The following RBFOX1 variants were observed in gnomAD, a reference collection of about 807,000 sequenced individuals.
RBFOX1 encodes RNA binding fox-1 homolog 1.
A neutral mutation model predicts 57.7 loss-of-function variants in RBFOX1; 8 were observed. That is an observed-to-expected ratio of 0.14 (90% CI 0.08 to 0.25). The LOEUF (loss-of-function observed/expected upper bound fraction) is 0.25. Among genes scored for constraint, RBFOX1 ranks in the 10% least tolerant of loss-of-function variants. RBFOX1 has a pLI of 1.00. For synonymous variants in RBFOX1, 326 were observed against 222.4 expected, an observed-to-expected ratio of 1.47 and a Z score of -4.15; for missense variants, 611 against 548.5, an observed-to-expected ratio of 1.11 and a Z score of -1.14.
intron 2 of RBFOX1, chr16:6,483,329 C>T (rs1447367427): frequency 1.4e-6 from 2 of 1,468,204 alleles, no homozygotes; most frequent in Non-Finnish European, 1.8e-6. Context: ...GCGTTCTGCA[C>T]CTGCTGGCGG....
At chr16:7,154,496 T>A (rs1187751288) in intron 4 of RBFOX1, among the ~76,000 whole-genome samples, 1 of 152,210 alleles carries the variant, frequency 6.6e-6, no homozygotes, top group Non-Finnish European at 1.5e-5. Context: ...ATCTGCTCAG[T>A]GACAGGACCT....
intron 4 of RBFOX1, among the ~76,000 whole-genome samples, chr16:7,056,382 C>A (rs1425992823): frequency 1.3e-5 from 2 of 152,160 alleles, no homozygotes; most frequent in Non-Finnish European, 2.9e-5. Context: ...TGGCTGGATT[C>A]TTCTGGGGAC....
At chr16:6,878,312 A>C (rs1024878837) in intron 3 of RBFOX1, among the ~76,000 whole-genome samples, 8 of 152,152 alleles carry the variant, frequency 5.3e-5, no homozygotes, top group African/African-American at 1.7e-4. Context: ...CTATAAATGA[A>C]AGTGACAGGT....
At chr16:5,968,184 G>C (rs2059888446) in intron 4 of RBFOX1, among the ~76,000 whole-genome samples, 1 of 152,028 alleles carries the variant, frequency 6.6e-6, no homozygotes, top group Non-Finnish European at 1.5e-5. Flanking sequence ...AAGCAATTCT[G>C]CTGTTTCAGC....
intron 4 of RBFOX1, among the ~76,000 whole-genome samples, chr16:7,214,429 C>T (rs888271890): frequency 6.6e-6 from 1 of 151,968 alleles, no homozygotes; most frequent in Non-Finnish European, 1.5e-5. Context: ...CAGACTGCTC[C>T]CTTCCTATTC....
intron 3 of RBFOX1, among the ~76,000 whole-genome samples, chr16:6,844,310 A>T (rs2093645750): frequency 6.6e-6 from 1 of 152,092 alleles, no homozygotes; most frequent in African/African-American, 2.4e-5. Context: ...CCTAGGTATT[A>T]AATCTGGTGT....
At chr16:6,096,553 A>C (rs935554318) in intron 1 of RBFOX1, among the ~76,000 whole-genome samples, 5 of 151,774 alleles carry the variant, frequency 3.3e-5, no homozygotes, top group African/African-American at 1.2e-4. Context: ...TGAATTCTCT[A>C]CTCCTATGAT....
intron 1 of RBFOX1, among the ~76,000 whole-genome samples, chr16:5,349,521 A>T (rs1378848056): frequency 6.6e-6 from 1 of 152,040 alleles, no homozygotes; most frequent in Non-Finnish European, 1.5e-5. Context: ...AAAATACAAA[A>T]AATTAGCCGG....
chr16:6,474,955 A>T (rs531120320), intron 2 of RBFOX1, among the ~76,000 whole-genome samples: 1 of 152,298 alleles, frequency 6.6e-6, no homozygotes, highest in African/African-American at 2.4e-5. Context: ...GGAATACATA[A>T]ACTGACCTTG....
chr16:6,249,132 C>T (rs948835895), intron 1 of RBFOX1, among the ~76,000 whole-genome samples: 5 of 152,124 alleles, frequency 3.3e-5, no homozygotes, highest in Admixed American at 6.6e-5. Context: ...TACTCAAGAT[C>T]GTTAAGAAAG....
At chr16:7,585,957 G>A (rs1238891347) in intron 6 of RBFOX1, among the ~76,000 whole-genome samples, 1 of 151,998 alleles carries the variant, frequency 6.6e-6, no homozygotes, top group Non-Finnish European at 1.5e-5. Context: ...CCACACAGAA[G>A]CACGCGTAAT....
intron 3 of RBFOX1, among the ~76,000 whole-genome samples, chr16:5,819,831 C>A (rs142199166): frequency 6.6e-6 from 1 of 152,148 alleles, no homozygotes; most frequent in Non-Finnish European, 1.5e-5. Flanking sequence ...CCCTGGAGCC[C>A]CAGAAATGAT....
At chr16:6,647,062 A>G (rs1274625852) in intron 2 of RBFOX1, among the ~76,000 whole-genome samples, 2 of 152,100 alleles carry the variant, frequency 1.3e-5, no homozygotes, top group Non-Finnish European at 2.9e-5. Context: ...GTGTCTGGAT[A>G]TTCAAGATCA....
intron 3 of RBFOX1, among the ~76,000 whole-genome samples, chr16:5,648,226 A>G (rs1427670789): frequency 3.3e-5 from 5 of 152,350 alleles, no homozygotes. Context: ...AGGAGAATTC[A>G]GGGAAAACCT....
intron 2 of RBFOX1, among the ~76,000 whole-genome samples, chr16:5,559,555 T>A (rs140021891): frequency 1.3e-5 from 2 of 152,212 alleles, no homozygotes; most frequent in East Asian, 3.9e-4. Flanking sequence ...CCAGGGGAGA[T>A]TGATCCACAC....
chr16:7,599,299 A>G (rs1009249676), intron 9 of RBFOX1, among the ~76,000 whole-genome samples: 1 of 152,268 alleles, frequency 6.6e-6, no homozygotes, highest in African/African-American at 2.4e-5. Flanking sequence ...GCCCAGGCAC[A>G]TGTGTGCTTG....
chr16:5,835,533 C>T (rs1170081630), intron 3 of RBFOX1, among the ~76,000 whole-genome samples: 2 of 152,144 alleles, frequency 1.3e-5, no homozygotes, highest in African/African-American at 4.8e-5. Flanking sequence ...TCCCAGGACC[C>T]TCTTGGATCT....
intron 1 of RBFOX1, among the ~76,000 whole-genome samples, chr16:6,034,125 G>T (rs2217897): frequency 6.6e-6 from 1 of 151,572 alleles, no homozygotes; most frequent in African/African-American, 2.4e-5. Context: ...ACCTGAGGTC[G>T]GGAGTTCAAG....
chr16:6,114,874 C>T (rs1289713200), intron 1 of RBFOX1, among the ~76,000 whole-genome samples: 1 of 152,140 alleles, frequency 6.6e-6, no homozygotes, highest in Non-Finnish European at 1.5e-5. Context: ...GGAGGGCTAA[C>T]TCATAGGCAC....
Sources: gnomAD v4.1 joint callset for allele counts (sites outside exome capture counted in the v4.1 genomes callset) on GRCh38, gnomAD v4.1.1 for gene constraint, MANE v1.5 for transcripts, NCBI Gene and HGNC (gene_info 2026-07-23, HGNC 2026-07-21) for gene names.